Variants in SOX6 observed in about 807,000 individuals in gnomAD.
The protein encoded by SOX6 is SRY-box transcription factor 6, also known as transcription factor SOX-6.
Under a neutral mutation model 97.8 loss-of-function variants are expected in SOX6, and 11 were observed. That is an observed-to-expected ratio of 0.11 (90% CI 0.07 to 0.19). The LOEUF is 0.19. SOX6 is among the 10% of genes least tolerant of loss of function. The pLI is 1.00. For missense variants in SOX6, 810 were observed against 1,039.5 expected (o/e 0.78, Z 3.04); for synonymous variants, 360 against 371.4 (o/e 0.97, Z 0.35).
At chr11:15,987,222 G>T (rs1030565591) in intron 14 of SOX6, among the ~76,000 whole-genome samples, 6 of 152,158 alleles carry the variant, frequency 3.9e-5, no homozygotes, top group African/African-American at 1.4e-4. Flanking sequence ...TAACAGCTGT[G>T]CAGACTGGAT....
chr11:16,191,488 A>G lies in SOX6; in HGVS notation c.536-4533T>C, dbSNP rs185652958. 7.9e-5 allele frequency among the ~76,000 whole-genome samples: 12 copies of G among 152,214 alleles called. No individual in the cohort carries two copies. In the East Asian group the frequency reaches 2.3e-3, roughly 29 times the overall value. On this transcript the variant is annotated intron_variant, in intron 4 of 15. Coordinates refer to ENST00000683767, the MANE Select transcript of SOX6 (RefSeq NM_001367873.1). ...AAAGAAAAGAAAAATCATGTCCTAA[A>G]TCATGTTTGGAGGTTTGAAAAAATC...
At chr11:16,119,254 C>T (rs567014102) in intron 6 of SOX6, among the ~76,000 whole-genome samples, 48 of 152,266 alleles carry the variant, frequency 3.2e-4, no homozygotes, top group African/African-American at 1.1e-3. Flanking sequence ...ATCCACAGTA[C>T]ATGGACTTAT....
intron 3 of SOX6, among the ~76,000 whole-genome samples, chr11:16,638,886 G>A (rs571162222): frequency 2.0e-5 from 3 of 152,242 alleles, no homozygotes; most frequent in Non-Finnish European, 4.4e-5. Context: ...TCACTCTGAT[G>A]GTAGTTTCTT....
intron 4 of SOX6, among the ~76,000 whole-genome samples, chr11:16,199,260 A>G (rs1851868955): frequency 6.6e-6 from 1 of 152,218 alleles, no homozygotes; most frequent in South Asian, 2.1e-4. Context: ...CAAATCTAAG[A>G]GAAGACAAGA....
rs900047055 is a variant in SOX6, at chr11:16,050,043, C to T, written c.1252-105G>A. ...TACACCTCAGAGACAATGCCACATTCTCCTACAATAATAACAAAAGAAGCT... is the reference window on the plus strand; with the variant it reads ...TACACCTCAGAGACAATGCCACATTTTCCTACAATAATAACAAAAGAAGCT... On this transcript the variant is annotated intron_variant, in intron 10 of 15. Transcript: ENST00000683767. 113 of 1,146,642 alleles carry T rather than the reference C, an allele frequency of 9.9e-5. 3 individuals carry two copies. The Admixed American group carries it at 1.8e-3, about 18-fold the overall frequency. 71.0% of individuals were successfully genotyped at this position (1,146,642 alleles called of 1,614,324 possible).
At chr11:16,441,087 C>T (rs1453994419) in intron 1 of SOX6, among the ~76,000 whole-genome samples, 1 of 151,882 alleles carries the variant, frequency 6.6e-6, no homozygotes, top group East Asian at 1.9e-4. Context: ...CTATAGCCAC[C>T]CCTCATGTCA....
At chr11:16,267,062 A>T (rs1854102238) in intron 3 of SOX6, among the ~76,000 whole-genome samples, 1 of 151,624 alleles carries the variant, frequency 6.6e-6, no homozygotes, top group Non-Finnish European at 1.5e-5. Flanking sequence ...AAAGATTTAA[A>T]CATAAACTTG....
At chr11:16,506,247 G>A (rs1015191386) in intron 4 of SOX6, among the ~76,000 whole-genome samples, 4 of 152,198 alleles carry the variant, frequency 2.6e-5, no homozygotes, top group Non-Finnish European at 5.9e-5. Flanking sequence ...CCTACCCATC[G>A]CATCACTGTG....
chr11:16,137,986 C>A (rs1424633270), intron 6 of SOX6, among the ~76,000 whole-genome samples: 1 of 152,192 alleles, frequency 6.6e-6, no homozygotes, highest in East Asian at 1.9e-4. Context: ...AAACTCTTTT[C>A]TTTATAAATT....
chr11:16,285,192 G>GCTAAT (rs1486654025), intron 3 of SOX6, among the ~76,000 whole-genome samples: 1 of 152,056 alleles, frequency 6.6e-6, no homozygotes, highest in East Asian at 1.9e-4. Context: ...CAAATAAAAT[G>GCTAAT]CTAATTAACT....
intron 4 of SOX6, among the ~76,000 whole-genome samples, chr11:16,580,347 T>C (rs1415350493): frequency 6.6e-6 from 1 of 152,100 alleles, no homozygotes; most frequent in Admixed American, 6.6e-5. Flanking sequence ...TTTATATAAA[T>C]TCAATTACCA....
intron 1 of SOX6, among the ~76,000 whole-genome samples, chr11:16,447,234 A>G (rs959671972): frequency 8.5e-5 from 13 of 152,174 alleles, no homozygotes; most frequent in Admixed American, 2.0e-4. Flanking sequence ...AGCTAAAATT[A>G]GGAAGTTATT....
intron 6 of SOX6, among the ~76,000 whole-genome samples, chr11:16,134,901 T>A (rs188044249): frequency 3.3e-5 from 5 of 152,160 alleles, no homozygotes; most frequent in African/African-American, 1.2e-4. Flanking sequence ...CTTTCACCAC[T>A]AGAGAGAAGA....
chr11:16,592,302 C>T (rs1425716337), intron 4 of SOX6, among the ~76,000 whole-genome samples: 1 of 148,362 alleles, frequency 6.7e-6, no homozygotes, highest in Non-Finnish European at 1.5e-5. Context: ...TTTAGGCTAT[C>T]TAGAATGCCT....
intron 2 of SOX6, among the ~76,000 whole-genome samples, chr11:16,728,185 C>T (rs1230797411): frequency 6.6e-6 from 1 of 152,196 alleles, no homozygotes; most frequent in African/African-American, 2.4e-5. Flanking sequence ...AACGTTCCTG[C>T]CTGCTGGTTC....
intron 4 of SOX6, among the ~76,000 whole-genome samples, chr11:16,215,108 A>T (rs1008937806): frequency 6.6e-6 from 1 of 152,270 alleles, no homozygotes; most frequent in Admixed American, 6.5e-5. Context: ...CAAAATAATA[A>T]TGTCCTCTAT....
intron 6 of SOX6, among the ~76,000 whole-genome samples, chr11:16,165,242 C>T (rs1850856542): frequency 6.6e-6 from 1 of 152,116 alleles, no homozygotes; most frequent in Admixed American, 6.5e-5. Context: ...CAACAAAGCT[C>T]ATTAAAATTT....
intron 1 of SOX6, among the ~76,000 whole-genome samples, chr11:16,455,811 T>C (rs978029190): frequency 6.6e-6 from 1 of 152,140 alleles, no homozygotes; most frequent in African/African-American, 2.4e-5. Flanking sequence ...GTACTGAATA[T>C]ACTTAACTAT....
chr11:16,625,825 G>C (rs1327497936), intron 3 of SOX6, among the ~76,000 whole-genome samples: 1 of 152,174 alleles, frequency 6.6e-6, no homozygotes, highest in African/African-American at 2.4e-5. Context: ...CTTTCCCTGT[G>C]CATCTTTTCC....
Sources: allele counts gnomAD v4.1 joint callset (sites outside exome capture counted in the v4.1 genomes callset), GRCh38; gene constraint gnomAD v4.1.1; transcripts MANE v1.5; gene names NCBI Gene and HGNC (gene_info 2026-07-23, HGNC 2026-07-21).